Variants in ELAC2 observed in about 807,000 individuals in gnomAD.
ELAC2 encodes the protein zinc phosphodiesterase ELAC protein 2.
A neutral mutation model predicts 105.2 loss-of-function variants in ELAC2; 92 were observed. The observed-to-expected ratio is 0.87, with a 90% confidence interval of 0.74 to 1.04. ELAC2 has a LOEUF of 1.04. Among genes scored for constraint, ELAC2 ranks in the 50% least tolerant of loss-of-function variants. The pLI, the probability that ELAC2 is intolerant of heterozygous loss-of-function variation, is 0.00. For synonymous variants in ELAC2, 468 were observed against 409.1 expected (o/e 1.14, Z -1.74); for missense variants, 1,099 against 1,071.7 (o/e 1.03, Z -0.36).
At chr17:13,010,995 A>G (rs77803821) in intron 7 of ELAC2, among the ~76,000 whole-genome samples, 1 of 152,206 alleles carries the variant, frequency 6.6e-6, no homozygotes, top group Non-Finnish European at 1.5e-5. Flanking sequence ...TATAACACAT[A>G]TAATATATGA....
rs553872641 is a variant in ELAC2 at position 13,013,497 on chromosome 17, T to A, written c.491-222A>T. On this transcript the variant is annotated intron_variant, in intron 5 of 23. Transcript: ENST00000338034. ...TTACTACAGCCAGATGAAAAGACAT[T>A]ATAATCTTTGGTGACTATCCGTTAA... Among the ~76,000 whole-genome samples, 4 of 152,046 alleles carry A rather than the reference T, an allele frequency of 2.6e-5. No homozygotes were observed. The South Asian group carries it at 8.3e-4, about 32-fold the overall frequency.
intron 19 of ELAC2, 62 bp downstream of exon 19, chr17:12,995,641 A>C: frequency 6.7e-7 from 1 of 1,500,380 alleles, no homozygotes; most frequent in South Asian, 1.2e-5. Flanking sequence ...GTCCACCTTG[A>C]GCTTCTGAAG....
chr17:13,000,135 G>T, intron 15 of ELAC2, 21 bp downstream of exon 15: 1 of 1,603,348 alleles, frequency 6.2e-7, no homozygotes. Flanking sequence ...AAGAAAGGCT[G>T]CTCTGTGGGC....
intron 3 of ELAC2, among the ~76,000 whole-genome samples, chr17:13,016,541 C>T (rs60081364): frequency 0.32 from 48,071 of 151,580 alleles, 7,637 homozygotes; most frequent in East Asian, 0.38. Context: ...TCCCAGCACT[C>T]TGGGAGGCCG....
chr17:13,017,385 C>T, intron 1 of ELAC2: 2 of 626,882 alleles, frequency 3.2e-6, no homozygotes, highest in Non-Finnish European at 5.5e-6. Context: ...GATCTGTCCA[C>T]CCCACACGCT....
At chr17:13,006,665 C>T (rs56967476) in intron 8 of ELAC2, 11,146 of 153,312 alleles carry the variant, frequency 0.073, 515 homozygotes, top group African/African-American at 0.14. Flanking sequence ...GTCACCAGAG[C>T]GTTGCCTAAC....
intron 15 of ELAC2, among the ~76,000 whole-genome samples, chr17:12,999,746 C>G (rs2040672119): frequency 6.6e-6 from 1 of 152,136 alleles, no homozygotes; most frequent in Non-Finnish European, 1.5e-5. Flanking sequence ...GCAAGCTCCG[C>G]CTCCCGGGTT....
chr17:13,005,697 C>G lies in ELAC2; in HGVS notation c.870+56G>C, dbSNP rs895706642. 1.0e-5 allele frequency: 16 copies of G among 1,582,674 alleles called. No individual in the cohort carries two copies. In the Admixed American group the frequency reaches 2.7e-4, roughly 26 times the overall value. ...TAGGGCCTGAAGAAGACAGACTCTG[C>G]CCAGCATTTCAGACCCTACCTGTAA... is the stretch of plus-strand genomic sequence containing the variant. On this transcript the variant is annotated intron_variant, in intron 10 of 23. Coordinates refer to ENST00000338034, the MANE Select transcript of ELAC2 (RefSeq NM_018127.7).
chr17:12,994,024 C>T (rs2040339839), intron 22 of ELAC2, among the ~76,000 whole-genome samples, 193 bp from the exon 23 acceptor site: 1 of 152,164 alleles, frequency 6.6e-6, no homozygotes, highest in Admixed American at 6.5e-5. Flanking sequence ...GGATGAAGCC[C>T]ACCCTCTGTG....
rs1420584039 is a variant in ELAC2 at position 12,992,357 on chromosome 17, TA to T, written c.*460del. 1 of 351,802 alleles carries T rather than the reference TA, an allele frequency of 2.8e-6. No homozygotes were observed. Among genetic ancestry groups the T allele is most frequent in the Non-Finnish European group, 5.3e-6 (1 of 187,624 alleles). The allele number at this position is 351,802 out of a possible 1,614,324, so 21.8% of individuals were successfully genotyped here. ...GTGGTGCACAGCAGACCCTGCTCTG[TA>T]GCAGCAGCAGGAGGAAGCAAAAGAA... On this transcript the variant is annotated 3_prime_UTR_variant, in exon 24 of 24. Transcript: ENST00000338034.
chr17:12,995,804 C>A lies in ELAC2; in HGVS notation c.1707G>T (p.Leu569Phe). 1 of 1,610,208 alleles carries A rather than the reference C, an allele frequency of 6.2e-7. No homozygotes were observed. The highest frequency in any genetic ancestry group is 8.5e-7 in the Non-Finnish European group (1 of 1,178,322). Residue 569 changes from leucine to phenylalanine, a missense_variant, in exon 19 of 24, where the codon TTG becomes TTT. Physicochemically the swap from Leu to Phe is conservative, Grantham distance 22. Coordinates refer to ENST00000338034, the MANE Select transcript of ELAC2 (RefSeq NM_018127.7). ...CCAGCAAAGGGTGAAGCGGCTTTCC[C>A]AAAGATGCCTGGAACAAAAAATGCA... is the stretch of plus-strand genomic sequence containing the variant. ...LLQRERALAS[L>F]GKPLHPLLVV...
rs1240034905 is a variant in ELAC2 at position 12,998,477 on chromosome 17, G to A, written c.1455C>T (p.Phe485=). Residue 485 remains phenylalanine, a synonymous_variant, in exon 16 of 24, where the codon TTC becomes TTT. Coordinates refer to ENST00000338034, the MANE Select transcript of ELAC2 (RefSeq NM_018127.7). ...TCGGGATGGCAGACCCTGTTCCAAG[G>A]AAGATGATTTCTGGGTACTGACTTC... The part of the protein sequence containing the change: ...EKRSQYPEII[F]LGTGSAIPMK... 6.2e-7 allele frequency: 1 copy of A among 1,614,090 alleles called. No individual in the cohort carries two copies. The highest frequency in any genetic ancestry group is 1.3e-5 in the African/African-American group (1 of 74,932).
In ELAC2 at chr17:13,017,966, A is replaced by G. The variant is rs757625951; in HGVS notation, c.-19T>C. 3.0e-4 allele frequency: 461 copies of G among 1,534,992 alleles called. No individual in the cohort carries two copies. Among genetic ancestry groups the G allele is most frequent in the Non-Finnish European group, 3.9e-4 (450 of 1,146,556 alleles). ...CCCACATGCGCCCGTCTCCACCAAA[A>G]CTGAGAAAGCCGCCGGTCACCTACG... is the stretch of plus-strand genomic sequence containing the variant. On this transcript the variant is annotated 5_prime_UTR_variant, in exon 1 of 24. Transcript: ENST00000338034.
At chr17:12,999,879 G>A (rs541474166) in intron 15 of ELAC2, among the ~76,000 whole-genome samples, 27 of 152,234 alleles carry the variant, frequency 1.8e-4, no homozygotes, top group Non-Finnish European at 1.0e-4. Context: ...GGATGGTCTC[G>A]ATCTCCCGAC....
intron 16 of ELAC2, 116 bp downstream of exon 16, chr17:12,998,296 G>T: frequency 9.9e-7 from 1 of 1,013,748 alleles, no homozygotes; most frequent in Non-Finnish European, 1.5e-6. Flanking sequence ...CAGTCGACAT[G>T]ACAAGTGACA....
At chr17:13,004,753 T>G (rs2041015231) in intron 11 of ELAC2, among the ~76,000 whole-genome samples, 1 of 152,250 alleles carries the variant, frequency 6.6e-6, no homozygotes, top group Non-Finnish European at 1.5e-5. Flanking sequence ...GAGTTCTAGT[T>G]GAATTTCTAG....
At position 13,005,832 on chromosome 17, in the gene ELAC2, T is replaced by C. The variant is rs1598238892; in HGVS notation, c.798-7A>G. ...AGCGATGGCAGCTGTCCCACTGAAA[T>C]GAAGAGGCAAGGCCTCTGTGAAATG... On this transcript the variant is annotated splice_polypyrimidine_tract_variant and splice_region_variant and intron_variant, in intron 9 of 23. Transcript: ENST00000338034. The C allele has an allele frequency of 6.2e-7, 1 of 1,614,146 alleles. No individual in the cohort carries two copies. The highest frequency in any genetic ancestry group is 8.5e-7 in the Non-Finnish European group (1 of 1,180,028).
chr17:13,006,746 G>C (rs1204159598), intron 8 of ELAC2, among the ~76,000 whole-genome samples: 1 of 152,140 alleles, frequency 6.6e-6, no homozygotes, highest in African/African-American at 2.4e-5. Flanking sequence ...CAAAAGCATG[G>C]ATGATTTTTA....
rs2040262705 is a variant in ELAC2 at position 12,992,971 on chromosome 17, C to T, written c.2328G>A (p.Glu776=). 3.7e-6 allele frequency: 6 copies of T among 1,610,688 alleles called. No homozygotes were observed. The highest frequency in any genetic ancestry group is 5.1e-6 in the Non-Finnish European group (6 of 1,180,030). Residue 776 remains glutamate (E), a synonymous_variant, in exon 24 of 24, where the codon GAG becomes GAA. Coordinates refer to ENST00000338034, the MANE Select transcript of ELAC2 (RefSeq NM_018127.7). ...PLKALFAGDI[E]EMEERREKRE... ...GCTTCTCCCTGCGCTCCTCCATCTCCTCGATGTCGCCAGCAAACAGGGCTT... is the reference window on the plus strand; with the variant it reads ...GCTTCTCCCTGCGCTCCTCCATCTCTTCGATGTCGCCAGCAAACAGGGCTT...
Sources: gnomAD v4.1 joint callset for allele counts (sites outside exome capture counted in the v4.1 genomes callset) on GRCh38, gnomAD v4.1.1 for gene constraint, MANE v1.5 for transcripts, NCBI Gene and HGNC (gene_info 2026-07-23, HGNC 2026-07-21) for gene names.